Variants in ANTXR2 observed in about 807,000 individuals in gnomAD.
ANTXR2 encodes anthrax toxin receptor 2.
A neutral mutation model predicts 73.7 loss-of-function variants in ANTXR2; 44 were observed. The ratio of observed to expected loss-of-function variants is 0.60; its 90% confidence interval spans 0.47 to 0.77. The LOEUF (loss-of-function observed/expected upper bound fraction) is 0.77. Ranked by LOEUF, ANTXR2 falls within the 30% of genes least tolerant of loss-of-function variation. The pLI is 0.00. For missense variants in ANTXR2, 604 were observed against 592.5 expected (o/e 1.02, Z -0.20); for synonymous variants, 217 against 205.9 (o/e 1.05, Z -0.46).
chr4:79,926,976 T>TATGC (rs10674130), intron 16 of ANTXR2, among the ~76,000 whole-genome samples: 1 of 90,594 alleles, frequency 1.1e-5, no homozygotes, highest in Admixed American at 1.1e-4. Flanking sequence ...TGTGTATATA[T>TATGC]ACGTGTGCAT....
In ANTXR2 at chr4:79,978,369, CA is replaced by C. The variant is rs34603918; in HGVS notation, c.1180-196del. The stretch of plus-strand genomic sequence containing the variant: ...CCTGACTGTATTTAATATTAAGATC[CA>C]AAAAAAAAAAAAACCCTTTGTAAAA... On this transcript the variant is annotated intron_variant, in intron 14 of 16. Transcript: ENST00000403729. Among the ~76,000 whole-genome samples the C allele has an allele frequency of 0.51, 68,816 of 136,246 alleles. 18,230 individuals are homozygous for C. The highest frequency in any genetic ancestry group is 0.93 in the East Asian group (4,523 of 4,858). The allele number at this position is 136,246 out of a possible 152,430, so 89.4% of individuals were successfully genotyped here.
At chr4:80,009,367 C>A (rs1444854472) in intron 11 of ANTXR2, among the ~76,000 whole-genome samples, 1 of 152,074 alleles carries the variant, frequency 6.6e-6, no homozygotes, top group African/African-American at 2.4e-5. Flanking sequence ...TATAAAATGC[C>A]CCTTTGATTA....
rs1483541061 is a variant in ANTXR2 at position 79,905,053 on chromosome 4, A to G, written c.*2376T>C. On this transcript the variant is annotated 3_prime_UTR_variant, in exon 17 of 17. Transcript: ENST00000403729. ...TATTAATGATATTTTTTCAGTCTAC[A>G]TATAGACCACTGCCACTTCCTCTTC... 1 of 152,180 alleles carries G rather than the reference A, an allele frequency of 6.6e-6. No individual in the cohort carries two copies. Among genetic ancestry groups the G allele is most frequent in the Non-Finnish European group, 1.5e-5 (1 of 68,022 alleles). The allele number at this position is 152,180 out of a possible 1,614,324, so 9.4% of individuals were successfully genotyped here. A position where few individuals can be genotyped will look rare whatever the true frequency, so the allele number is the denominator to read the frequency against.
chr4:79,912,630 G>T (rs1727190709), intron 16 of ANTXR2, among the ~76,000 whole-genome samples: 1 of 151,996 alleles, frequency 6.6e-6, no homozygotes, highest in Non-Finnish European at 1.5e-5. Context: ...ATAAAAAATG[G>T]TCTTTAAAAA....
chr4:80,008,432 T>C (rs547654496), intron 12 of ANTXR2, 89 bp downstream of exon 12: 2 of 1,007,174 alleles, frequency 2.0e-6, no homozygotes, highest in South Asian at 3.4e-5. Context: ...AACTTTGCTG[T>C]TATTAACATG....
rs142293658 is a variant in ANTXR2 at position 79,947,456 on chromosome 4, T to TA, written c.1428+30164dup. ...AAACAGCAAGACAAACTCATAGTGT[T>TA]AAAAAAAAAGTTTTTTATTTTGCCC... is the stretch of plus-strand genomic sequence containing the variant. On this transcript the variant is annotated intron_variant, in intron 16 of 16. Transcript: ENST00000403729. Among the ~76,000 whole-genome samples the TA allele has an allele frequency of 5.7e-3, 867 of 151,402 alleles. 14 individuals carry two copies. The highest frequency in any genetic ancestry group is 0.019 in the African/African-American group (793 of 41,320).
intron 7 of ANTXR2, among the ~76,000 whole-genome samples, chr4:80,044,192 A>G (rs1296595404): frequency 6.6e-6 from 1 of 152,016 alleles, no homozygotes; most frequent in East Asian, 1.9e-4. Context: ...AAACATCCAT[A>G]GCAAAAATAA....
At chr4:79,983,112 A>T in intron 14 of ANTXR2, among the ~76,000 whole-genome samples, 1 of 152,244 alleles carries the variant, frequency 6.6e-6, no homozygotes, top group South Asian at 2.1e-4. Context: ...AATTATGACT[A>T]AAAAGGAAGG....
In ANTXR2 at chr4:79,904,132, A is replaced by G. The variant is rs540084175; in HGVS notation, c.*3297T>C. On this transcript the variant is annotated 3_prime_UTR_variant, in exon 17 of 17. Coordinates refer to ENST00000403729, the MANE Select transcript of ANTXR2 (RefSeq NM_058172.6). ...TTTCAACTTTAAACTAAACAAATGT[A>G]TCTGCCTCTGAGCAGTAAACAATGG... 28 of 152,230 alleles carry G rather than the reference A, an allele frequency of 1.8e-4. 1 individual carries two copies. Among genetic ancestry groups the G allele is most frequent in the African/African-American group, 6.3e-4 (26 of 41,564 alleles). 9.4% of individuals were successfully genotyped at this position (152,230 alleles called of 1,614,324 possible).
intron 16 of ANTXR2, among the ~76,000 whole-genome samples, chr4:79,946,702 C>T (rs770654672): frequency 6.8e-4 from 103 of 152,052 alleles, no homozygotes; most frequent in African/African-American, 2.3e-3. Flanking sequence ...TGTATCAATT[C>T]GAGAAAATCA....
chr4:79,994,152 A>T (rs1240511854), intron 12 of ANTXR2, among the ~76,000 whole-genome samples: 1 of 151,944 alleles, frequency 6.6e-6, no homozygotes, highest in African/African-American at 2.4e-5. Context: ...TTTTGCATCA[A>T]TGACTTAATA....
At chr4:79,921,017 T>C (rs143824274) in intron 16 of ANTXR2, among the ~76,000 whole-genome samples, 1 of 152,100 alleles carries the variant, frequency 6.6e-6, no homozygotes, top group Non-Finnish European at 1.5e-5. Flanking sequence ...GCATATTACA[T>C]CACTATCAGG....
At chr4:80,030,233 G>T (rs1404604414) in intron 10 of ANTXR2, among the ~76,000 whole-genome samples, 2 of 152,012 alleles carry the variant, frequency 1.3e-5, no homozygotes, top group Non-Finnish European at 2.9e-5. Context: ...TGACTCAAAA[G>T]ATTTTTACCT....
At chr4:79,924,729 C>T (rs1727716161) in intron 16 of ANTXR2, among the ~76,000 whole-genome samples, 1 of 152,034 alleles carries the variant, frequency 6.6e-6, no homozygotes, top group African/African-American at 2.4e-5. Context: ...ATCTAGTGTT[C>T]ACAAAGCTTA....
At chr4:79,924,929 A>G (rs1382802475) in intron 16 of ANTXR2, among the ~76,000 whole-genome samples, 1 of 152,142 alleles carries the variant, frequency 6.6e-6, no homozygotes, top group African/African-American at 2.4e-5. Flanking sequence ...ACATCCTATC[A>G]TTACAGATAG....
At position 80,011,313 on chromosome 4, in the gene ANTXR2, A is replaced by ATCTGTCTG. The variant is rs1000408650; in HGVS notation, c.946-2698_946-2697insCAGACAGA. On this transcript the variant is annotated intron_variant, in intron 11 of 16. Coordinates refer to ENST00000403729, the MANE Select transcript of ANTXR2 (RefSeq NM_058172.6). The stretch of plus-strand genomic sequence containing the variant: ...TATCTATCTATCTATCTATCTATCT[A>ATCTGTCTG]TCTGTCTATCATCTATCTATCTATC... Among the ~76,000 whole-genome samples the ATCTGTCTG allele has an allele frequency of 1.8e-3, 208 of 116,870 alleles. 2 individuals are homozygous for ATCTGTCTG. The highest frequency in any genetic ancestry group is 5.5e-3 in the African/African-American group (198 of 36,190). 76.7% of individuals were successfully genotyped at this position (116,870 alleles called of 152,430 possible). A position where few individuals can be genotyped will look rare whatever the true frequency, so the allele number is the denominator to read the frequency against.
At chr4:80,014,910 T>C (rs2110064149) in intron 11 of ANTXR2, among the ~76,000 whole-genome samples, 1 of 152,312 alleles carries the variant, frequency 6.6e-6, no homozygotes, top group African/African-American at 2.4e-5. Flanking sequence ...CACCCTAGCT[T>C]TGAAAATTCT....
chr4:80,034,966 C>G (rs1001719799), intron 8 of ANTXR2, among the ~76,000 whole-genome samples: 5 of 152,092 alleles, frequency 3.3e-5, no homozygotes, highest in African/African-American at 4.8e-5. Context: ...AAGGGTCAAA[C>G]AGGGTAATTA....
rs1726881749 is a variant in ANTXR2 at position 79,905,813 on chromosome 4, T to C, written c.*1616A>G. 1 of 152,624 alleles carries C rather than the reference T, an allele frequency of 6.6e-6. No individual in the cohort carries two copies. Among genetic ancestry groups the C allele is most frequent in the African/African-American group, 2.4e-5 (1 of 41,442 alleles). 9.5% of individuals were successfully genotyped at this position (152,624 alleles called of 1,614,324 possible). A position where few individuals can be genotyped will look rare whatever the true frequency, so the allele number is the denominator to read the frequency against. On this transcript the variant is annotated 3_prime_UTR_variant, in exon 17 of 17. Transcript: ENST00000403729. Reference sequence around the variant, plus strand: ...CACAATGGGGGTAATTATACCAGGATGCTCCAATCGCTCTTTCCATCTTGT... The same window carrying C: ...CACAATGGGGGTAATTATACCAGGACGCTCCAATCGCTCTTTCCATCTTGT...
Sources: allele counts gnomAD v4.1 joint callset (sites outside exome capture counted in the v4.1 genomes callset), GRCh38; gene constraint gnomAD v4.1.1; transcripts MANE v1.5; gene names NCBI Gene and HGNC (gene_info 2026-07-23, HGNC 2026-07-21).